Variants in CFAP61 observed in about 807,000 individuals in gnomAD.
The protein encoded by CFAP61 is cilia- and flagella-associated protein 61.
CFAP61 carries 107 observed loss-of-function variants against 135.6 expected under a neutral mutation model. The observed-to-expected ratio is 0.79, with a 90% CI of 0.67 to 0.93. The LOEUF is 0.93. Ranked by LOEUF, CFAP61 falls within the 40% of genes least tolerant of loss-of-function variation. The probability of loss-of-function intolerance (pLI) is 0.00; values close to 1 mark genes in which losing one functional copy is unlikely to be tolerated. For missense variants in CFAP61, 1,507 were observed against 1,556.2 expected (o/e 0.97, Z 0.53); for synonymous variants, 575 against 578.5 (o/e 0.99, Z 0.09).
Position 20,193,320 on chromosome 20 carries a change from CTCTT to C in CFAP61, c.1590+1905_1590+1908del, listed in dbSNP as rs570563582. On this transcript the variant is annotated intron_variant, in intron 15 of 26. Coordinates refer to ENST00000245957, the MANE Select transcript of CFAP61 (RefSeq NM_015585.4). ...CTTATCAAGTAAGGGAAATTTTCTT[CTCTT>C]TCTATCTTATTAAAAGTTTTTATTA... Among the ~76,000 whole-genome samples, 133 of 152,168 alleles carry C rather than the reference CTCTT, an allele frequency of 8.7e-4. 1 individual carries two copies. The highest frequency in any genetic ancestry group is 3.0e-3 in the African/African-American group (126 of 41,490).
intron 2 of CFAP61, among the ~76,000 whole-genome samples, chr20:20,067,300 C>T (rs774688929): frequency 6.0e-4 from 92 of 152,100 alleles, no homozygotes; most frequent in Middle Eastern, 6.8e-3. Context: ...TATGCCTTCT[C>T]AGCCGGGCGT....
At chr20:20,241,508 T>C (rs1281122210) in intron 18 of CFAP61, among the ~76,000 whole-genome samples, 1 of 152,196 alleles carries the variant, frequency 6.6e-6, no homozygotes, top group Non-Finnish European at 1.5e-5. Flanking sequence ...TTTGGGGAAA[T>C]TTTAAATTGT....
At chr20:20,326,170 G>A (rs2057740851) in intron 25 of CFAP61, among the ~76,000 whole-genome samples, 1 of 152,092 alleles carries the variant, frequency 6.6e-6, no homozygotes. Flanking sequence ...AAATTTGGAT[G>A]TCTGTTTTCC....
intron 21 of CFAP61, among the ~76,000 whole-genome samples, chr20:20,264,952 C>G (rs2052585763): frequency 6.6e-6 from 1 of 152,166 alleles, no homozygotes; most frequent in Non-Finnish European, 1.5e-5. Flanking sequence ...CTCTTCAACT[C>G]TGCTCATTTA....
chr20:20,342,182 G>A (rs2058468988), intron 26 of CFAP61, among the ~76,000 whole-genome samples: 1 of 152,170 alleles, frequency 6.6e-6, no homozygotes, highest in African/African-American at 2.4e-5. Flanking sequence ...TCAGCTCAGA[G>A]TGCTGGCAGA....
At chr20:20,282,584 C>A in intron 22 of CFAP61, among the ~76,000 whole-genome samples, 1 of 152,064 alleles carries the variant, frequency 6.6e-6, no homozygotes, top group South Asian at 2.1e-4. Context: ...TTAAGGTTTT[C>A]CTAAATATTA....
chr20:20,094,428 A>C (rs1463109871), intron 7 of CFAP61: 2 of 152,230 alleles, frequency 1.3e-5, no homozygotes, highest in East Asian at 1.9e-4. Context: ...TTTACTTATC[A>C]GGTTTAATCA....
At chr20:20,104,318 T>C (rs1329297868) in intron 8 of CFAP61, among the ~76,000 whole-genome samples, 2 of 152,220 alleles carry the variant, frequency 1.3e-5, no homozygotes, top group Non-Finnish European at 2.9e-5. Context: ...TTTTATGTCT[T>C]GTTTTATTGA....
intron 23 of CFAP61, 135 bp downstream of exon 23, chr20:20,289,071 G>A (rs545675855): frequency 1.6e-6 from 1 of 614,432 alleles, no homozygotes; most frequent in Non-Finnish European, 2.8e-6. Context: ...CACAGAGACA[G>A]AGAAAGGGTC....
chr20:20,098,837 A>G (rs1321105623), intron 8 of CFAP61, 23 bp downstream of exon 8: 1 of 1,597,538 alleles, frequency 6.3e-7, no homozygotes, highest in South Asian at 1.1e-5. Flanking sequence ...TCACAGGGAC[A>G]CACTGGGAAA....
chr20:20,292,246 A>G (rs1347317087), intron 24 of CFAP61, among the ~76,000 whole-genome samples: 1 of 152,250 alleles, frequency 6.6e-6, no homozygotes, highest in Non-Finnish European at 1.5e-5. Flanking sequence ...AGTGGTGAAG[A>G]TGGCTGTTTT....
At chr20:20,178,655 G>C (rs762764102) in intron 13 of CFAP61, among the ~76,000 whole-genome samples, 5 of 141,746 alleles carry the variant, frequency 3.5e-5, no homozygotes, top group Non-Finnish European at 6.1e-5. Context: ...AATGCATTTA[G>C]CTAGTTGTCC....
At chr20:20,243,906 T>C (rs1172833109) in intron 18 of CFAP61, among the ~76,000 whole-genome samples, 1 of 152,094 alleles carries the variant, frequency 6.6e-6, no homozygotes, top group African/African-American at 2.4e-5. Flanking sequence ...CCATTCCAAA[T>C]TGGAGAAATT....
chr20:20,321,674 G>A (rs16981794), intron 25 of CFAP61, among the ~76,000 whole-genome samples: 30,982 of 152,024 alleles, frequency 0.2, 4,241 homozygotes, highest in African/African-American at 0.37. Flanking sequence ...CCATGTTTAC[G>A]TTGCAAGCCC....
chr20:20,250,290 G>A (rs925823551), intron 19 of CFAP61, among the ~76,000 whole-genome samples: 1 of 152,162 alleles, frequency 6.6e-6, no homozygotes, highest in Non-Finnish European at 1.5e-5. Context: ...TAACAAAGCA[G>A]CCTGTCTTAC....
chr20:20,069,226 A>G (rs1335229395), intron 2 of CFAP61, among the ~76,000 whole-genome samples: 1 of 152,224 alleles, frequency 6.6e-6, no homozygotes, highest in African/African-American at 2.4e-5. Flanking sequence ...CAAGTGGGAA[A>G]AAGCAGGCTA....
chr20:20,360,075 A>G, intron 26 of CFAP61, 135 bp from the exon 27 acceptor site: 1 of 707,422 alleles, frequency 1.4e-6, no homozygotes. Flanking sequence ...ATTAAAAATA[A>G]ATTTTCAAAA....
intron 8 of CFAP61, among the ~76,000 whole-genome samples, chr20:20,135,035 A>G (rs1372892757): frequency 6.6e-6 from 1 of 151,594 alleles, no homozygotes; most frequent in Non-Finnish European, 1.5e-5. Flanking sequence ...ATTATCCTGG[A>G]TTATCTAAGG....
At chr20:20,184,232 A>G (rs567563673) in intron 13 of CFAP61, among the ~76,000 whole-genome samples, 1 of 152,322 alleles carries the variant, frequency 6.6e-6, no homozygotes, top group Non-Finnish European at 1.5e-5. Context: ...AGTATTTATT[A>G]TATGTAAAAA....
Sources: allele counts gnomAD v4.1 joint callset (sites outside exome capture counted in the v4.1 genomes callset), GRCh38; gene constraint gnomAD v4.1.1; transcripts MANE v1.5; gene names NCBI Gene and HGNC (gene_info 2026-07-23, HGNC 2026-07-21).